Variants in B4GALT5 observed in about 807,000 individuals in gnomAD.
B4GALT5 encodes the protein beta-1,4-galactosyltransferase 5, also known as UDP-Gal:beta-GlcNAc beta-1,4-galactosyltransferase 5.
In B4GALT5, 11 loss-of-function variants were observed where a neutral mutation model predicts 45.0. The observed-to-expected ratio is 0.24, with a 90% CI of 0.15 to 0.40. The LOEUF (loss-of-function observed/expected upper bound fraction) is 0.40. Ranked by LOEUF, B4GALT5 falls within the 10% of genes least tolerant of loss-of-function variation. The probability of loss-of-function intolerance (pLI) is 1.00; values close to 1 mark genes in which losing one functional copy is unlikely to be tolerated. For synonymous variants in B4GALT5, 185 were observed against 182.9 expected (o/e 1.01, Z -0.09); for missense variants, 337 against 500.2 (o/e 0.67, Z 3.11).
At chr20:49,652,292 A>C (rs187400700) in intron 2 of B4GALT5, among the ~76,000 whole-genome samples, 87 of 152,020 alleles carry the variant, frequency 5.7e-4, no homozygotes, top group African/African-American at 2.0e-3. Context: ...GAAGGAATCG[A>C]AAGTGCTGAC....
intron 1 of B4GALT5, among the ~76,000 whole-genome samples, chr20:49,675,823 T>C (rs2146346445): frequency 6.6e-6 from 1 of 152,266 alleles, no homozygotes; most frequent in African/African-American, 2.4e-5. Flanking sequence ...CGTTTCACAA[T>C]TAGATCACTG....
At chr20:49,647,412 T>C (rs969981230) in intron 2 of B4GALT5, among the ~76,000 whole-genome samples, 4 of 152,230 alleles carry the variant, frequency 2.6e-5, no homozygotes, top group Non-Finnish European at 5.9e-5. Flanking sequence ...GCCCTTCTTT[T>C]GGCCAAGTAT....
chr20:49,700,766 C>G (rs1196821601), intron 1 of B4GALT5, among the ~76,000 whole-genome samples: 2 of 152,144 alleles, frequency 1.3e-5, no homozygotes, highest in Non-Finnish European at 2.9e-5. Flanking sequence ...CCAGGCAAGA[C>G]AAAGGGGGAC....
rs1555812124 is a variant in B4GALT5 at position 49,663,690 on chromosome 20, A to AAAATATAT, written c.116-6989_116-6988insATATATTT. Among the ~76,000 whole-genome samples the AAAATATAT allele has an allele frequency of 4.0e-4, 39 of 96,938 alleles. 3 individuals are homozygous for AAAATATAT. The highest frequency in any genetic ancestry group is 1.7e-3 in the African/African-American group (38 of 22,428). The allele number at this position is 96,938 out of a possible 152,430, so 63.6% of individuals were successfully genotyped here. A position where few individuals can be genotyped will look rare whatever the true frequency, so the allele number is the denominator to read the frequency against. ...TTCATCTCAAGAAAAAAAAAAAAAA[A>AAAATATAT]ATATATACATATATATATATATATA... On this transcript the variant is annotated intron_variant, in intron 1 of 8. Transcript: ENST00000371711.
chr20:49,648,103 C>T (rs2085606610), intron 2 of B4GALT5, among the ~76,000 whole-genome samples: 1 of 152,126 alleles, frequency 6.6e-6, no homozygotes, highest in African/African-American at 2.4e-5. Flanking sequence ...TTACTATATT[C>T]TTGTTTCATG....
chr20:49,656,514 A>T (rs1568720088), intron 2 of B4GALT5, 54 bp downstream of exon 2: 28 of 1,593,274 alleles, frequency 1.8e-5, no homozygotes, highest in Non-Finnish European at 2.4e-5. Flanking sequence ...AACCGAATTT[A>T]CCTCTCTTGG....
intron 1 of B4GALT5, among the ~76,000 whole-genome samples, chr20:49,686,424 C>T (rs2085785734): frequency 6.6e-6 from 1 of 152,138 alleles, no homozygotes; most frequent in Non-Finnish European, 1.5e-5. Flanking sequence ...AGGATGTTAA[C>T]ACTTACTACT....
At chr20:49,647,139 C>T in intron 2 of B4GALT5, 61 bp from the exon 3 acceptor site, 1 of 962,596 alleles carries the variant, frequency 1.0e-6, no homozygotes, top group East Asian at 2.5e-5. Flanking sequence ...GTGCAATTAT[C>T]AGATGCCTAC....
intron 1 of B4GALT5, among the ~76,000 whole-genome samples, chr20:49,690,340 A>T (rs145646203): frequency 1.1e-4 from 16 of 152,216 alleles, no homozygotes; most frequent in African/African-American, 3.4e-4. Context: ...CACTTTGAAC[A>T]ATCTTCAAGT....
chr20:49,640,659 T>A lies in B4GALT5; in HGVS notation c.613A>T (p.Thr205Ser). 1 of 1,598,350 alleles carries A rather than the reference T, an allele frequency of 6.3e-7. No homozygotes were observed. Among genetic ancestry groups the A allele is most frequent in the Non-Finnish European group, 8.5e-7 (1 of 1,175,626 alleles). ...AGCATGGCTCGATTAAAGGGTTGGG[T>A]ACCAACCTAAAAGAAACAGAACTTT... ...FAFYVVEQVG[T>S]QPFNRAMLFN... Residue 205 changes from threonine to serine, a missense_variant, in exon 6 of 9, where the codon ACC becomes TCC. By Grantham distance (58) the Thr-to-Ser change is moderately conservative. Around this residue, in one of 2 missense-constraint regions of B4GALT5, gnomAD observed 163 missense variants for 292.8 expected, o/e 0.56. Coordinates refer to ENST00000371711, the MANE Select transcript of B4GALT5 (RefSeq NM_004776.4).
intron 1 of B4GALT5, among the ~76,000 whole-genome samples, chr20:49,679,686 A>C (rs2085756487): frequency 6.7e-6 from 1 of 150,290 alleles, no homozygotes; most frequent in Admixed American, 6.6e-5. Context: ...CAAAAAAAAC[A>C]AAAACAAAAA....
chr20:49,648,491 C>A (rs2085608095), intron 2 of B4GALT5, among the ~76,000 whole-genome samples: 1 of 152,080 alleles, frequency 6.6e-6, no homozygotes, highest in Non-Finnish European at 1.5e-5. Context: ...TTGCTAGTTC[C>A]TGAGCTTCTG....
intron 1 of B4GALT5, among the ~76,000 whole-genome samples, chr20:49,690,325 C>CA (rs1310089641): frequency 6.6e-6 from 1 of 151,940 alleles, no homozygotes; most frequent in Non-Finnish European, 1.5e-5. Context: ...ATTTTTAACC[C>CA]ACGGCACTTT....
chr20:49,683,130 G>A (rs1005291263), intron 1 of B4GALT5, among the ~76,000 whole-genome samples: 3 of 151,734 alleles, frequency 2.0e-5, no homozygotes, highest in South Asian at 2.1e-4. Flanking sequence ...ATAGAAGGAC[G>A]ACATATGCTT....
intron 1 of B4GALT5, among the ~76,000 whole-genome samples, chr20:49,692,790 G>A (rs187344633): frequency 2.2e-4 from 34 of 152,228 alleles, no homozygotes; most frequent in Admixed American, 1.0e-3. Flanking sequence ...TATAATGTAA[G>A]TTCAATTATG....
At chr20:49,666,165 G>A (rs1010646637) in intron 1 of B4GALT5, among the ~76,000 whole-genome samples, 1 of 152,144 alleles carries the variant, frequency 6.6e-6, no homozygotes, top group Non-Finnish European at 1.5e-5. Flanking sequence ...ATTCTTAGAT[G>A]AACTAAATAA....
chr20:49,637,307 A>C, intron 8 of B4GALT5, 34 bp downstream of exon 8: 1 of 1,549,688 alleles, frequency 6.5e-7, no homozygotes. Context: ...AGTATAGGGG[A>C]TACTTCTAAG....
chr20:49,699,676 C>G (rs1470346368), intron 1 of B4GALT5, among the ~76,000 whole-genome samples: 8 of 152,224 alleles, frequency 5.3e-5, no homozygotes, highest in African/African-American at 1.9e-4. Flanking sequence ...CTTGGGGACC[C>G]CAAACCCACT....
At chr20:49,665,491 C>A (rs1323007111) in intron 1 of B4GALT5, among the ~76,000 whole-genome samples, 1 of 148,162 alleles carries the variant, frequency 6.7e-6, no homozygotes, top group East Asian at 2.0e-4. Context: ...AATGAAGAAA[C>A]ATCAAGTCCT....
Sources: allele counts gnomAD v4.1 joint callset (sites outside exome capture counted in the v4.1 genomes callset), GRCh38; gene constraint gnomAD v4.1.1; regional missense constraint gnomAD v4.1.1; transcripts MANE v1.5; gene names NCBI Gene and HGNC (gene_info 2026-07-23, HGNC 2026-07-21).